The following PEPD variants were observed in gnomAD, a reference collection of about 807,000 sequenced individuals.
The protein encoded by PEPD is xaa-Pro dipeptidase.
PEPD carries 53 observed loss-of-function variants against 60.7 expected under a neutral mutation model. That is an observed-to-expected ratio of 0.87 (90% CI 0.70 to 1.10). The LOEUF (loss-of-function observed/expected upper bound fraction) is 1.10, where lower values mean the gene tolerates loss of function less well. PEPD is among the 50% of genes least tolerant of loss of function. PEPD has a pLI of 0.00. For synonymous variants in PEPD, 267 were observed against 284.1 expected, an observed-to-expected ratio of 0.94 and a Z score of 0.60; for missense variants, 711 against 711.9, an observed-to-expected ratio of 1.00 and a Z score of 0.01.
intron 12 of PEPD, among the ~76,000 whole-genome samples, chr19:33,394,352 G>A (rs1348869967): frequency 6.6e-5 from 10 of 152,156 alleles, no homozygotes; most frequent in South Asian, 2.1e-4. Flanking sequence ...CATGCTCTGC[G>A]GTGGCCCTTC....
Position 33,494,917 on chromosome 19 carries a change from G to A in PEPD, c.394-1580C>T, listed in dbSNP as rs533924850. Reference sequence around the variant, plus strand: ...TGGGAGGACAGGGCAGGCAGATCACGAGGTCAGGAGATCGAGACCATCCTG... The same window carrying A: ...TGGGAGGACAGGGCAGGCAGATCACAAGGTCAGGAGATCGAGACCATCCTG... On this transcript the variant is annotated intron_variant, in intron 4 of 14. Transcript: ENST00000244137. 1.1e-4 allele frequency among the ~76,000 whole-genome samples: 16 copies of A among 152,260 alleles called. No homozygotes were observed. The South Asian group carries it at 2.9e-3, about 28-fold the overall frequency.
chr19:33,401,593 G>T, intron 12 of PEPD, 128 bp downstream of exon 12: 2 of 886,814 alleles, frequency 2.3e-6, no homozygotes, highest in Non-Finnish European at 3.6e-6. Flanking sequence ...GAATCTCAGG[G>T]ACTAAGCATC....
chr19:33,421,099 G>A (rs1189121909), intron 9 of PEPD, among the ~76,000 whole-genome samples: 1 of 152,212 alleles, frequency 6.6e-6, no homozygotes, highest in African/African-American at 2.4e-5. Flanking sequence ...CCATTCTTCT[G>A]TGGGTGAGCG....
At chr19:33,470,488 G>A (rs751681416) in intron 7 of PEPD, among the ~76,000 whole-genome samples, 5 of 151,952 alleles carry the variant, frequency 3.3e-5, no homozygotes, top group East Asian at 1.9e-4. Context: ...TCTAGGGGTC[G>A]GAGACGACCC....
intron 13 of PEPD, 104 bp from the exon 14 acceptor site, chr19:33,388,185 C>T (rs1968125554): frequency 2.0e-6 from 2 of 985,062 alleles, no homozygotes; most frequent in South Asian, 2.7e-5. Flanking sequence ...CTCGTGGGCT[C>T]TCTTGACCAT....
At chr19:33,401,675 C>T (rs1568451905) in intron 12 of PEPD, 46 bp downstream of exon 12, 1 of 1,574,826 alleles carries the variant, frequency 6.3e-7, no homozygotes, top group Admixed American at 1.8e-5. Flanking sequence ...AGCAGCGCCC[C>T]CAACGCCACG....
chr19:33,389,898 G>C (rs1290341216), intron 13 of PEPD, among the ~76,000 whole-genome samples: 1 of 152,260 alleles, frequency 6.6e-6, no homozygotes, highest in Non-Finnish European at 1.5e-5. Context: ...GGCGCCATAA[G>C]AGAATGGGAA....
At chr19:33,387,817 G>A (rs952406862) in intron 14 of PEPD, 73 bp downstream of exon 14, 6 of 1,263,730 alleles carry the variant, frequency 4.7e-6, no homozygotes, top group Non-Finnish European at 5.6e-6. Context: ...CCTGTCTTGG[G>A]ACTAAGGAGT....
At chr19:33,487,498 C>T (rs1229676677) in intron 6 of PEPD, 3 of 152,300 alleles carry the variant, frequency 2.0e-5, no homozygotes, top group South Asian at 2.1e-4. Flanking sequence ...GAGATGGCCA[C>T]GAGGGTTCTC....
intron 4 of PEPD, among the ~76,000 whole-genome samples, chr19:33,496,031 C>T (rs1049603379): frequency 1.3e-5 from 2 of 152,092 alleles, no homozygotes; most frequent in Non-Finnish European, 2.9e-5. Flanking sequence ...TGTGTCCCTA[C>T]ACACCCTCAG....
At chr19:33,426,529 C>G (rs1969152857) in intron 9 of PEPD, among the ~76,000 whole-genome samples, 1 of 152,346 alleles carries the variant, frequency 6.6e-6, no homozygotes, top group Non-Finnish European at 1.5e-5. Flanking sequence ...GTACCCAGTT[C>G]CCTCCCTATC....
intron 1 of PEPD, among the ~76,000 whole-genome samples, chr19:33,521,398 C>T (rs1971129841): frequency 6.6e-6 from 1 of 152,206 alleles, no homozygotes; most frequent in East Asian, 1.9e-4. Flanking sequence ...GGGAAGCGCC[C>T]GGGTCCCTGG....
Position 33,490,019 on chromosome 19 carries a change from C to T in PEPD, c.480G>A (p.Glu160=), listed in dbSNP as rs1970468180. 6.2e-7 allele frequency: 1 copy of T among 1,611,438 alleles called. No homozygotes were observed. Among genetic ancestry groups the T allele is most frequent in the South Asian group, 1.1e-5 (1 of 90,564 alleles). The stretch of plus-strand genomic sequence containing the variant: ...ACTTGCTGATGCCGTCAAAGGAGGC[C>T]TCCCTGCAGACACTGCCGCTGTCCG... The part of the protein sequence containing the change: ...VNTDSGSVCR[E]ASFDGISKFE... The change falls in exon 6 of 15, where the codon GAG becomes GAA. Residue 160 remains glutamate, a synonymous_variant. Coordinates refer to ENST00000244137, the MANE Select transcript of PEPD (RefSeq NM_000285.4).
chr19:33,428,539 C>T (rs73927884), intron 9 of PEPD, among the ~76,000 whole-genome samples: 19,720 of 149,746 alleles, frequency 0.13, 1,491 homozygotes, highest in East Asian at 0.28. Flanking sequence ...GTCCACGCTC[C>T]ACCTCCTGCT....
intron 12 of PEPD, among the ~76,000 whole-genome samples, chr19:33,398,322 G>A (rs1968413732): frequency 6.6e-6 from 1 of 152,248 alleles, no homozygotes; most frequent in Non-Finnish European, 1.5e-5. Context: ...TTGCAGCCTG[G>A]GGCTCTGACT....
intron 4 of PEPD, 46 bp downstream of exon 4, chr19:33,500,892 C>T (rs766228421): frequency 1.7e-5 from 18 of 1,085,778 alleles, no homozygotes; most frequent in Non-Finnish European, 2.6e-5. Flanking sequence ...GAGTGGAAGG[C>T]ATGCTGGAAG....
intron 1 of PEPD, among the ~76,000 whole-genome samples, chr19:33,513,118 C>A (rs765644979): frequency 3.3e-5 from 5 of 152,056 alleles, no homozygotes; most frequent in Non-Finnish European, 7.4e-5. Context: ...TGCCCATGAC[C>A]CTGGGGGCCA....
At chr19:33,475,794 G>C (rs1970203816) in intron 7 of PEPD, among the ~76,000 whole-genome samples, 1 of 152,186 alleles carries the variant, frequency 6.6e-6, no homozygotes, top group African/African-American at 2.4e-5. Flanking sequence ...GCTACAGATA[G>C]GACAGGCTCT....
rs1969976878 is a variant in PEPD, at chr19:33,464,062, G to A, written c.549C>T (p.Cys183=). Residue 183 remains cysteine (C), a splice_region_variant and synonymous_variant, in exon 8 of 15, where the codon TGC becomes TGT. Coordinates refer to ENST00000244137, the MANE Select transcript of PEPD (RefSeq NM_000285.4). ...NTILHPEIVE[C]RVFKTDMELE... The stretch of plus-strand genomic sequence containing the variant: ...GCTCCATATCCGTCTTAAACACTCG[G>A]CTTCAGAGACAGAAGAACAAAGCAG... 1 of 1,610,554 alleles carries A rather than the reference G, an allele frequency of 6.2e-7. No homozygotes were observed. The highest frequency in any genetic ancestry group is 1.3e-5 in the African/African-American group (1 of 74,962).
Sources: allele counts gnomAD v4.1 joint callset (sites outside exome capture counted in the v4.1 genomes callset), GRCh38; gene constraint gnomAD v4.1.1; transcripts MANE v1.5; gene names NCBI Gene and HGNC (gene_info 2026-07-23, HGNC 2026-07-21).